The following CTIF variants were observed in gnomAD, a reference collection of about 807,000 sequenced individuals.
CTIF encodes cap binding complex dependent translation initiation factor, also known as CBP80/20-dependent translation initiation factor.
A neutral mutation model predicts 66.0 loss-of-function variants in CTIF; 21 were observed. The observed-to-expected ratio is 0.32, with a 90% confidence interval of 0.23 to 0.46. CTIF has a LOEUF of 0.46. CTIF is among the 20% of genes least tolerant of loss of function. The pLI, the probability that CTIF is intolerant of heterozygous loss-of-function variation, is 1.00. For synonymous variants in CTIF, 345 were observed against 326.4 expected (o/e 1.06, Z -0.62); for missense variants, 739 against 812.7 (o/e 0.91, Z 1.10).
chr18:48,715,205 G>A (rs2092267980), intron 7 of CTIF, among the ~76,000 whole-genome samples: 1 of 152,116 alleles, frequency 6.6e-6, no homozygotes, highest in Non-Finnish European at 1.5e-5. Flanking sequence ...TGCTCCTGAT[G>A]CCATGGGCTG....
At chr18:48,692,347 AAAC>A (rs1240827213) in intron 6 of CTIF, among the ~76,000 whole-genome samples, 2 of 127,884 alleles carry the variant, frequency 1.6e-5, no homozygotes, top group African/African-American at 9.5e-5. Flanking sequence ...CAAAAAAAAA[AAAC>A]CACCCTTACT....
rs555111846 is a variant in CTIF at position 48,552,609 on chromosome 18, G to A, written c.-29+13297G>A. Among the ~76,000 whole-genome samples, 19 of 152,284 alleles carry A rather than the reference G, an allele frequency of 1.2e-4. No individual in the cohort carries two copies. The South Asian group carries it at 3.3e-3, about 27-fold the overall frequency. On this transcript the variant is annotated intron_variant, in intron 1 of 11. Coordinates refer to ENST00000256413, the MANE Select transcript of CTIF (RefSeq NM_014772.3). ...TTATGAGGGCACTAACCTCATTCAT[G>A]AGGCTCTGCCCTCATGACCTAATTG...
At chr18:48,594,030 C>T (rs1008798608) in intron 1 of CTIF, among the ~76,000 whole-genome samples, 1 of 152,176 alleles carries the variant, frequency 6.6e-6, no homozygotes, top group Admixed American at 6.5e-5. Flanking sequence ...TTTACCTCTC[C>T]TGTGCCACAG....
At chr18:48,730,661 G>A (rs367697018) in intron 7 of CTIF, among the ~76,000 whole-genome samples, 4 of 133,084 alleles carry the variant, frequency 3.0e-5, no homozygotes, top group South Asian at 2.4e-4. Context: ...GGGCTTCTGC[G>A]GTGTGAGGGG....
intron 3 of CTIF, among the ~76,000 whole-genome samples, chr18:48,643,859 G>A (rs970873346): frequency 2.0e-5 from 3 of 152,164 alleles, no homozygotes; most frequent in African/African-American, 7.2e-5. Flanking sequence ...CAGATGGCAG[G>A]AAGCTCAGAG....
At chr18:48,789,277 G>C (rs1329445325) in intron 9 of CTIF, among the ~76,000 whole-genome samples, 1 of 152,204 alleles carries the variant, frequency 6.6e-6, no homozygotes, top group Non-Finnish European at 1.5e-5. Context: ...TCACAGACTA[G>C]TTGTGTAACC....
At chr18:48,711,515 A>C in intron 6 of CTIF, 104 bp from the exon 7 acceptor site, 1 of 853,318 alleles carries the variant, frequency 1.2e-6, no homozygotes, top group South Asian at 1.6e-5. Context: ...CAAACTCTTG[A>C]TGTCTTTCTG....
chr18:48,797,492 A>AGT (rs1555695490), intron 9 of CTIF, among the ~76,000 whole-genome samples: 1 of 129,950 alleles, frequency 7.7e-6, no homozygotes, highest in Admixed American at 7.8e-5. Flanking sequence ...AAAAAAGAAA[A>AGT]GGGGTGGGGG....
At chr18:48,604,400 G>T (rs1055621212) in intron 1 of CTIF, among the ~76,000 whole-genome samples, 2 of 148,926 alleles carry the variant, frequency 1.3e-5, no homozygotes, top group Non-Finnish European at 3.0e-5. Flanking sequence ...GGATGGTCTC[G>T]ATCTCCTGAC....
intron 7 of CTIF, among the ~76,000 whole-genome samples, chr18:48,745,141 GTC>G (rs1488157268): frequency 6.6e-6 from 1 of 152,190 alleles, no homozygotes; most frequent in Non-Finnish European, 1.5e-5. Context: ...CAGTTCTTAA[GTC>G]TCTGTATTTC....
intron 6 of CTIF, among the ~76,000 whole-genome samples, chr18:48,708,229 C>G (rs2092182978): frequency 6.6e-6 from 1 of 152,204 alleles, no homozygotes; most frequent in Non-Finnish European, 1.5e-5. Context: ...GCTCTGCCAA[C>G]CTGCATGAGC....
intron 10 of CTIF, among the ~76,000 whole-genome samples, chr18:48,821,259 T>C (rs11082704): frequency 0.34 from 51,700 of 152,180 alleles, 9,338 homozygotes; most frequent in East Asian, 0.75. Context: ...TGCCTTGTAG[T>C]AGTGTTCAGT....
In CTIF at chr18:48,836,028, C is replaced by T. The variant is rs540812228; in HGVS notation, c.1527+18652C>T. ...ACCGGGCTGTTTGGTCCCCATGGCC[C>T]CAGGCCCTCTAGCCCATGAACATTT... On this transcript the variant is annotated intron_variant, in intron 10 of 11. Transcript: ENST00000256413. Among the ~76,000 whole-genome samples the T allele has an allele frequency of 3.3e-5, 5 of 152,256 alleles. No individual in the cohort carries two copies. The South Asian group carries it at 1.0e-3, about 32-fold the overall frequency.
At chr18:48,807,646 T>A (rs2068177524) in intron 9 of CTIF, among the ~76,000 whole-genome samples, 1 of 149,064 alleles carries the variant, frequency 6.7e-6, no homozygotes, top group Non-Finnish European at 1.5e-5. Context: ...AGTGGCGCAA[T>A]CTCGGCTCAC....
intron 1 of CTIF, among the ~76,000 whole-genome samples, chr18:48,597,577 C>G (rs1001028188): frequency 6.8e-6 from 1 of 146,894 alleles, no homozygotes; most frequent in Non-Finnish European, 1.5e-5. Flanking sequence ...CCACCCCTGC[C>G]TTGCTCCTGC....
At chr18:48,690,854 T>C (rs970509577) in intron 6 of CTIF, among the ~76,000 whole-genome samples, 2 of 151,906 alleles carry the variant, frequency 1.3e-5, no homozygotes, top group Admixed American at 1.3e-4. Flanking sequence ...CTCAGAAGGC[T>C]GTAGTGAGAA....
At chr18:48,677,568 T>C (rs1430736397) in intron 6 of CTIF, among the ~76,000 whole-genome samples, 4 of 152,222 alleles carry the variant, frequency 2.6e-5, no homozygotes, top group African/African-American at 7.2e-5. Context: ...CGTTGTCCCA[T>C]GGAGCACGTA....
chr18:48,824,204 C>T (rs1322097085), intron 10 of CTIF, among the ~76,000 whole-genome samples: 1 of 152,082 alleles, frequency 6.6e-6, no homozygotes, highest in East Asian at 1.9e-4. Context: ...AAAACTATAA[C>T]ATATTATTTT....
intron 1 of CTIF, among the ~76,000 whole-genome samples, chr18:48,571,986 A>T (rs1460894246): frequency 6.6e-6 from 1 of 152,220 alleles, no homozygotes; most frequent in Non-Finnish European, 1.5e-5. Flanking sequence ...AAGGCAGCAG[A>T]CTGGAAACTC....
Sources: gnomAD v4.1 joint callset for allele counts (sites outside exome capture counted in the v4.1 genomes callset) on GRCh38, gnomAD v4.1.1 for gene constraint, MANE v1.5 for transcripts, NCBI Gene and HGNC (gene_info 2026-07-23, HGNC 2026-07-21) for gene names.